The following CLEC7A variants were observed in gnomAD, a reference collection of about 807,000 sequenced individuals.
CLEC7A encodes C-type lectin domain containing 7A, also known as C-type lectin domain family 7 member A.
Under a neutral mutation model 26.9 loss-of-function variants are expected in CLEC7A, and 25 were observed. The observed-to-expected ratio is 0.93, with a 90% CI of 0.68 to 1.30. CLEC7A has a LOEUF of 1.30. CLEC7A is among the 50% of genes most tolerant of loss of function. The probability of loss-of-function intolerance (pLI) is 0.00; values close to 1 mark genes in which losing one functional copy is unlikely to be tolerated. For synonymous variants in CLEC7A, 100 were observed against 99.5 expected (o/e 1.01, Z -0.03); for missense variants, 275 against 286.7 (o/e 0.96, Z 0.29).
At chr12:10,127,156 G>A in intron 2 of CLEC7A, 1 of 1,075,480 alleles carries the variant, frequency 9.3e-7, no homozygotes. Context: ...CTCTCTGAAG[G>A]TGACTGACAA....
chr12:10,127,977 G>T, intron 1 of CLEC7A, 132 bp from the exon 2 acceptor site: 1 of 635,980 alleles, frequency 1.6e-6, no homozygotes, highest in South Asian at 2.0e-5. Context: ...AAGGGAGACT[G>T]AGGTAGGAGG....
rs762167028 is a variant in CLEC7A, at chr12:10,123,363, C to A, written c.493G>T (p.Gly165Ter). 3.3e-6 allele frequency: 5 copies of A among 1,496,210 alleles called. No homozygotes were observed. The highest frequency in any genetic ancestry group is 1.7e-4 in the Middle Eastern group (1 of 5,888). 92.7% of individuals were successfully genotyped at this position (1,496,210 alleles called of 1,614,324 possible). The stretch of plus-strand genomic sequence containing the variant: ...GAAGACACTTGTTTTACTATAAATC[C>A]CTGTAATGAAACATATACAAATATA... Reference protein sequence around the residue: ...LLKIDSSNELGFIVKQVSSQP... With the variant: ...LLKIDSSNEL Residue 165 changes from glycine (G) to a stop codon, truncating the protein, a stop_gained and splice_region_variant, in exon 5 of 6, where the codon GGA (glycine) becomes TGA (stop). Transcript: ENST00000304084. LOFTEE classifies it high-confidence loss of function.
chr12:10,127,814 G>A lies in CLEC7A; in HGVS notation c.135C>T (p.Leu45=). The A allele has an allele frequency of 6.4e-7, 1 of 1,571,946 alleles. No individual in the cohort carries two copies. ...ATAGGATTCCCAAAATTACAGCAAT[G>A]AGGCGCCAAGGAGGAGATGCAGCAC... ...GSCAASPPWR[L]IAVILGILCL... is the part of the protein sequence containing the mutation. The change falls in exon 2 of 6, where the codon CTC becomes CTT. Residue 45 remains leucine, a synonymous_variant. Transcript: ENST00000304084.
rs762084926 is a variant in CLEC7A, at chr12:10,126,643, C to T, written c.268G>A (p.Glu90Lys). 2 of 1,612,854 alleles carry T rather than the reference C, an allele frequency of 1.2e-6. No individual in the cohort carries two copies. Among genetic ancestry groups the T allele is most frequent in the East Asian group, 2.2e-5 (1 of 44,728 alleles). Residue 90 changes from glutamate to lysine, a missense_variant, in exon 3 of 6, where the codon GAG becomes AAG. Physicochemically the swap from Glu to Lys is moderately conservative, Grantham distance 56. Coordinates refer to ENST00000304084, the MANE Select transcript of CLEC7A (RefSeq NM_197947.3). ...GATTGTGTGGGTTGACTGTGGTTCTCTTTATTTCTTGATAGAAAGTAGCCA... is the reference window on the plus strand; with the variant it reads ...GATTGTGTGGGTTGACTGTGGTTCTTTTTATTTCTTGATAGAAAGTAGCCA... ...ENGYFLSRNK[E>K]NHSQPTQSSL...
chr12:10,123,746 C>A (rs371681249), intron 4 of CLEC7A, among the ~76,000 whole-genome samples: 1 of 112,950 alleles, frequency 8.9e-6, no homozygotes, highest in Non-Finnish European at 1.8e-5. Context: ...CCGGCCTGGG[C>A]GACAGAGCGA....
intron 3 of CLEC7A, chr12:10,126,274 A>C (rs1360615990): frequency 2.0e-6 from 2 of 982,150 alleles, no homozygotes; most frequent in Non-Finnish European, 1.2e-6. Flanking sequence ...TATTTGTATC[A>C]AATTATATGA....
At chr12:10,123,171 G>T in intron 5 of CLEC7A, 74 bp downstream of exon 5, 1 of 927,934 alleles carries the variant, frequency 1.1e-6, no homozygotes, top group South Asian at 1.4e-5. Flanking sequence ...TTAGCTGCTC[G>T]ACAGAGGTTT....
chr12:10,129,673 A>G (rs1248380543), intron 1 of CLEC7A, among the ~76,000 whole-genome samples: 1 of 151,872 alleles, frequency 6.6e-6, no homozygotes, highest in Non-Finnish European at 1.5e-5. Context: ...GCTGGAGTGC[A>G]TTGGCATGAT....
chr12:10,125,401 T>C lies in CLEC7A; in HGVS notation c.388A>G (p.Ser130Gly). The change falls in exon 4 of 6, where the codon AGC becomes GGC. Residue 130 changes from serine (S) to glycine (G), a missense_variant. Ser to Gly is a moderately conservative substitution (Grantham distance 56). Coordinates refer to ENST00000304084, the MANE Select transcript of CLEC7A (RefSeq NM_197947.3). ...AGTGACATGCTGAATAGATAACAGCTCTTCTCATATATAATCCAATTAGGA... is the reference window on the plus strand; with the variant it reads ...AGTGACATGCTGAATAGATAACAGCCCTTCTCATATATAATCCAATTAGGA... ...CPPNWIIYEK[S>G]CYLFSMSLNS... 3 of 1,613,430 alleles carry C rather than the reference T, an allele frequency of 1.9e-6. No homozygotes were observed. The highest frequency in any genetic ancestry group is 1.7e-6 in the Non-Finnish European group (2 of 1,179,858).
chr12:10,127,220 C>T (rs535769795), intron 2 of CLEC7A: 229 of 1,222,022 alleles, frequency 1.9e-4, no homozygotes, highest in Admixed American at 6.4e-4. Flanking sequence ...TACAAAATAT[C>T]GACTTAAGAC....
chr12:10,129,437 C>T (rs1948415935), intron 1 of CLEC7A, among the ~76,000 whole-genome samples: 1 of 152,022 alleles, frequency 6.6e-6, no homozygotes, highest in Admixed American at 6.6e-5. Flanking sequence ...TATTTTCTGC[C>T]ATCAGACATA....
At chr12:10,126,790 G>A (rs1948301651) in intron 2 of CLEC7A, 82 bp from the exon 3 acceptor site, 1 of 1,091,678 alleles carries the variant, frequency 9.2e-7, no homozygotes, top group South Asian at 1.6e-5. Flanking sequence ...AAACCCAAAT[G>A]TTATTGGAAT....
In CLEC7A at chr12:10,127,907, T is replaced by G; in HGVS notation, c.104-62A>C. On this transcript the variant is annotated intron_variant, in intron 1 of 5. Coordinates refer to ENST00000304084, the MANE Select transcript of CLEC7A (RefSeq NM_197947.3). ...AGAGAATGACGGATGGTGGGGCAGT[T>G]TAATTCTACAGTTCATCAAAAATCT... is the stretch of plus-strand genomic sequence containing the variant. The G allele has an allele frequency of 3.4e-6, 4 of 1,160,472 alleles. No individual in the cohort carries two copies. The Admixed American group carries it at 1.0e-4, about 30-fold the overall frequency. 71.9% of individuals were successfully genotyped at this position (1,160,472 alleles called of 1,614,324 possible). A position where few individuals can be genotyped will look rare whatever the true frequency, so the allele number is the denominator to read the frequency against.
intron 2 of CLEC7A, chr12:10,127,077 A>T (rs1181334105): frequency 7.2e-7 from 1 of 1,389,744 alleles, no homozygotes; most frequent in East Asian, 3.6e-5. Flanking sequence ...ATCCTTGAGA[A>T]ACTGCCCAGT....
intron 5 of CLEC7A, 64 bp from the exon 6 acceptor site, chr12:10,118,654 C>G: frequency 1.4e-6 from 2 of 1,382,978 alleles, no homozygotes; most frequent in South Asian, 1.3e-5. Flanking sequence ...CTACATGGCG[C>G]ACAAATAAAT....
At chr12:10,123,544 G>A (rs958463136) in intron 4 of CLEC7A, among the ~76,000 whole-genome samples, 181 bp from the exon 5 acceptor site, 2 of 151,086 alleles carry the variant, frequency 1.3e-5, no homozygotes, top group Non-Finnish European at 2.9e-5. Flanking sequence ...GGTAGATCAT[G>A]AGGTCAGGAG....
At chr12:10,125,810 G>A (rs996665632) in intron 3 of CLEC7A, among the ~76,000 whole-genome samples, 1 of 151,974 alleles carries the variant, frequency 6.6e-6, no homozygotes, top group Admixed American at 6.6e-5. Context: ...ATTTCATATT[G>A]CTACTTATTT....
Position 10,118,604 on chromosome 12 carries a change from A to T in CLEC7A, c.612-14T>A, listed in dbSNP as rs893595643. 6.2e-7 allele frequency: 1 copy of T among 1,609,220 alleles called. No homozygotes were observed. Among genetic ancestry groups the T allele is most frequent in the Non-Finnish European group, 8.5e-7 (1 of 1,176,966 alleles). On this transcript the variant is annotated splice_polypyrimidine_tract_variant and intron_variant, in intron 5 of 5. Transcript: ENST00000304084. ...CTGATCTGAAATCTGTTAAAATAGAATACAGTGAGGTAATTAGAACAAATG... is the reference window on the plus strand; with the variant it reads ...CTGATCTGAAATCTGTTAAAATAGATTACAGTGAGGTAATTAGAACAAATG...
intron 5 of CLEC7A, among the ~76,000 whole-genome samples, chr12:10,120,873 A>G (rs1290967291): frequency 6.7e-6 from 1 of 148,298 alleles, no homozygotes; most frequent in East Asian, 2.0e-4. Flanking sequence ...TGGTGCCTCA[A>G]CCTCTGAGTA....
Sources: allele counts gnomAD v4.1 joint callset (sites outside exome capture counted in the v4.1 genomes callset), GRCh38; gene constraint gnomAD v4.1.1; transcripts MANE v1.5; gene names NCBI Gene and HGNC (gene_info 2026-07-23, HGNC 2026-07-21).